The following RILPL1 variants were observed in gnomAD, a reference collection of about 807,000 sequenced individuals.
The protein encoded by RILPL1 is RILP-like protein 1.
A neutral mutation model predicts 50.3 loss-of-function variants in RILPL1; 33 were observed. The ratio of observed to expected loss-of-function variants is 0.66; its 90% CI spans 0.50 to 0.88. The LOEUF (loss-of-function observed/expected upper bound fraction) is 0.88, where lower values mean the gene tolerates loss of function less well. Among genes scored for constraint, RILPL1 ranks in the 40% least tolerant of loss-of-function variants. RILPL1 has a pLI of 0.00. For missense variants in RILPL1, 418 were observed against 542.5 expected (o/e 0.77, Z 2.28); for synonymous variants, 205 against 228.6 (o/e 0.90, Z 0.93).
intron 6 of RILPL1, among the ~76,000 whole-genome samples, chr12:123,478,811 A>C (rs1158393596): frequency 6.6e-6 from 1 of 152,160 alleles, no homozygotes; most frequent in Non-Finnish European, 1.5e-5. Context: ...TGACTGAGAG[A>C]CAGGGACCAC....
chr12:123,472,400 A>G lies in RILPL1; in HGVS notation c.*138T>C. 1 of 852,912 alleles carries G rather than the reference A, an allele frequency of 1.2e-6. No individual in the cohort carries two copies. Among genetic ancestry groups the G allele is most frequent in the South Asian group, 1.9e-5 (1 of 52,834 alleles). 52.8% of individuals were successfully genotyped at this position (852,912 alleles called of 1,614,324 possible). On this transcript the variant is annotated 3_prime_UTR_variant, in exon 7 of 7. Transcript: ENST00000376874. ...GTTTTTCAATGTCCATCCTCAAATC[A>G]GACAGTCTGTTTGAGGGGTCAGTTT...
At position 123,533,548 on chromosome 12, in the gene RILPL1, G is replaced by A. The variant is rs1885527658; in HGVS notation, c.-66C>T. Reference sequence around the variant, plus strand: ...CAACTCCCAAACTTGCCGCTGTCGAGGGCCGGGCCGGCCGGGCCCAGCCTG... The same window carrying A: ...CAACTCCCAAACTTGCCGCTGTCGAAGGCCGGGCCGGCCGGGCCCAGCCTG... On this transcript the variant is annotated 5_prime_UTR_variant, in exon 1 of 7. Transcript: ENST00000376874. This position sits in a 1 kb window ranked among gnomAD's most constrained non-coding sequence, Gnocchi z 6.2. 2 of 1,351,850 alleles carry A rather than the reference G, an allele frequency of 1.5e-6. No individual in the cohort carries two copies. Among genetic ancestry groups the A allele is most frequent in the African/African-American group, 1.5e-5 (1 of 66,016 alleles). The allele number at this position is 1,351,850 out of a possible 1,614,324, so 83.7% of individuals were successfully genotyped here.
chr12:123,473,145 A>G (rs1881318807), intron 6 of RILPL1: 2 of 172,022 alleles, frequency 1.2e-5, no homozygotes, highest in Non-Finnish European at 2.5e-5. Flanking sequence ...TCAGTCAGGA[A>G]ACTGTGGCCC....
chr12:123,493,663 C>T (rs548423655), intron 4 of RILPL1, among the ~76,000 whole-genome samples: 1 of 152,310 alleles, frequency 6.6e-6, no homozygotes, highest in South Asian at 2.1e-4. Context: ...ACCCCAGCCA[C>T]ATGCTGCACG....
intron 6 of RILPL1, among the ~76,000 whole-genome samples, chr12:123,480,246 C>T (rs778657467): frequency 1.1e-4 from 16 of 147,234 alleles, no homozygotes; most frequent in East Asian, 2.0e-4. Context: ...CTGCAACCTC[C>T]GCCTCTGGAG....
chr12:123,477,832 G>T (rs1470932108), intron 6 of RILPL1, among the ~76,000 whole-genome samples: 1 of 152,040 alleles, frequency 6.6e-6, no homozygotes, highest in East Asian at 1.9e-4. Flanking sequence ...CAGTCATTGT[G>T]TGGGAAGTGG....
chr12:123,482,709 C>G (rs1882078650), intron 6 of RILPL1, among the ~76,000 whole-genome samples: 1 of 151,480 alleles, frequency 6.6e-6, no homozygotes, highest in Non-Finnish European at 1.5e-5. Context: ...GCCTCAACCT[C>G]CTGGGCTCAA....
rs1395865355 is a variant in RILPL1, at chr12:123,470,294, AAAGT to A, written c.*2240_*2243del. On this transcript the variant is annotated 3_prime_UTR_variant, in exon 7 of 7. Coordinates refer to ENST00000376874, the MANE Select transcript of RILPL1 (RefSeq NM_178314.5). ...GGAGTTTGAGACCAGCTTAGGCAAC[AAAGT>A]AAGACCTGGTCTCTACAAAAAATAA... 3 of 151,510 alleles carry A rather than the reference AAAGT, an allele frequency of 2.0e-5. No homozygotes were observed. In the East Asian group the frequency reaches 5.9e-4, roughly 30 times the overall value. 9.4% of individuals were successfully genotyped at this position (151,510 alleles called of 1,614,324 possible).
chr12:123,498,818 T>A lies in RILPL1; in HGVS notation c.580-53A>T. ...GGGCTGCCACCTGCGGTAGCTCAGG[T>A]TGTACACTGCACAACGGCAAACCAT... On this transcript the variant is annotated intron_variant, in intron 3 of 6. Coordinates refer to ENST00000376874, the MANE Select transcript of RILPL1 (RefSeq NM_178314.5). The surrounding 1 kb of genome is among the most constrained non-coding windows in gnomAD (Gnocchi z 4.3). 6.5e-7 allele frequency: 1 copy of A among 1,544,130 alleles called. No individual in the cohort carries two copies. Among genetic ancestry groups the A allele is most frequent in the South Asian group, 1.1e-5 (1 of 89,874 alleles).
At position 123,528,893 on chromosome 12, in the gene RILPL1, T is replaced by C. The variant is rs558389683; in HGVS notation, c.309+4281A>G. ...TGCTGCCTCCATACCAGCCCAGTGG[T>C]TCTCCGGAGAAGTCAGCCCTGATCA... is the stretch of plus-strand genomic sequence containing the variant. On this transcript the variant is annotated intron_variant, in intron 1 of 6. Coordinates refer to ENST00000376874, the MANE Select transcript of RILPL1 (RefSeq NM_178314.5). Among the ~76,000 whole-genome samples the C allele has an allele frequency of 8.5e-4, 130 of 152,104 alleles. 1 individual carries two copies. Among genetic ancestry groups the C allele is most frequent in the African/African-American group, 3.1e-3 (128 of 41,484 alleles).
At chr12:123,495,766 C>T (rs113573815) in intron 4 of RILPL1, among the ~76,000 whole-genome samples, 10,338 of 148,252 alleles carry the variant, frequency 0.07, 1,180 homozygotes, top group African/African-American at 0.24. Flanking sequence ...CGGCAACCTC[C>T]GCCTCCTGGG....
rs771724548 is a variant in RILPL1 at position 123,523,551 on chromosome 12, G to T, written c.404C>A (p.Thr135Asn). The change falls in exon 2 of 7, where the codon ACC (threonine) becomes AAC (asparagine). Residue 135 changes from threonine to asparagine, a missense_variant. By Grantham distance (65) the Thr-to-Asn change is moderately conservative. Transcript: ENST00000376874. ...QLQEENKQLM[T>N]NLSHKDVNFS... is the part of the protein sequence containing the mutation. Reference sequence around the variant, plus strand: ...ATTGACATCCTTGTGGGAGAGGTTGGTCATGAGCTGCTTGTTCTCCTCCTG... The same window carrying T: ...ATTGACATCCTTGTGGGAGAGGTTGTTCATGAGCTGCTTGTTCTCCTCCTG... The T allele has an allele frequency of 6.2e-7, 1 of 1,613,894 alleles. No homozygotes were observed. The highest frequency in any genetic ancestry group is 8.5e-7 in the Non-Finnish European group (1 of 1,179,804).
intron 2 of RILPL1, chr12:123,513,702 AAGAG>A (rs1299663196): frequency 1.3e-5 from 2 of 152,534 alleles, no homozygotes; most frequent in Non-Finnish European, 1.5e-5. Flanking sequence ...GGTCACTGCT[AAGAG>A]AAAGTACAAG....
rs148364915 is a variant in RILPL1, at chr12:123,511,815, CTGTG to C, written c.460+11676_460+11679del. ...GAGGTCTGTGTGTGGTGTGTGAGGT[CTGTG>C]TGTGTGTGTGAGATCTGTATGTGTG... On this transcript the variant is annotated intron_variant, in intron 2 of 6. Transcript: ENST00000376874. 5.3e-3 allele frequency among the ~76,000 whole-genome samples: 400 copies of C among 75,440 alleles called. 18 individuals carry two copies. Among genetic ancestry groups the C allele is most frequent in the African/African-American group, 0.02 (304 of 15,188 alleles). 49.5% of individuals were successfully genotyped at this position (75,440 alleles called of 152,430 possible).
chr12:123,516,052 A>T (rs1191118025), intron 2 of RILPL1, among the ~76,000 whole-genome samples: 1 of 149,158 alleles, frequency 6.7e-6, no homozygotes, highest in Non-Finnish European at 1.5e-5. Flanking sequence ...AAAAAAAAAA[A>T]AAAAAAAATG....
rs28728075 is a variant in RILPL1 at position 123,489,974 on chromosome 12, C to T, written c.802-4169G>A. Among the ~76,000 whole-genome samples, 23,243 of 152,088 alleles carry T rather than the reference C, an allele frequency of 0.15. 1,969 individuals carry two copies. The highest frequency in any genetic ancestry group is 0.22 in the Admixed American group (3,308 of 15,264). On this transcript the variant is annotated intron_variant, in intron 4 of 6. Transcript: ENST00000376874. The surrounding 1 kb of genome is among the most constrained non-coding windows in gnomAD (Gnocchi z 4.0). ...CATTTTGGGCTTCCTGTGGAAAGTG[C>T]GCTGGAAGATCAGGCCCCACTGGCA...
chr12:123,514,627 T>C (rs1047454702), intron 2 of RILPL1, among the ~76,000 whole-genome samples: 5 of 151,984 alleles, frequency 3.3e-5, no homozygotes, highest in African/African-American at 1.2e-4. Context: ...GGTTTCACCA[T>C]GTTGGCCAGG....
intron 1 of RILPL1, among the ~76,000 whole-genome samples, chr12:123,527,968 G>A (rs1246338213): frequency 5.3e-5 from 8 of 152,224 alleles, no homozygotes; most frequent in South Asian, 2.1e-4. Flanking sequence ...GACTTCTGAC[G>A]TCCGGAAATT....
In RILPL1 at chr12:123,498,433, G is replaced by A; in HGVS notation, c.801+111C>T. ...AATTGGGGTCTTGCTATGTTGCCCA[G>A]GTTGGCCATTTTCTGAAGTATAATG... On this transcript the variant is annotated intron_variant, in intron 4 of 6. Transcript: ENST00000376874. This position sits in a 1 kb window ranked among gnomAD's most constrained non-coding sequence, Gnocchi z 4.3. The A allele has an allele frequency of 3.3e-6, 3 of 914,476 alleles. No individual in the cohort carries two copies. Among genetic ancestry groups the A allele is most frequent in the Non-Finnish European group, 5.1e-6 (3 of 589,380 alleles). The allele number at this position is 914,476 out of a possible 1,614,324, so 56.6% of individuals were successfully genotyped here.
Sources: gnomAD v4.1 joint callset for allele counts (sites outside exome capture counted in the v4.1 genomes callset) on GRCh38, gnomAD v4.1.1 for gene constraint, Gnocchi (gnomAD v3.1) non-coding constraint, MANE v1.5 for transcripts, NCBI Gene and HGNC (gene_info 2026-07-23, HGNC 2026-07-21) for gene names.